Variants in EXOC6B observed in about 807,000 individuals in gnomAD.
The protein encoded by EXOC6B is SEC15 homolog B.
Under a neutral mutation model 113.5 loss-of-function variants are expected in EXOC6B, and 54 were observed. The observed-to-expected ratio is 0.48, with a 90% confidence interval of 0.38 to 0.60. The LOEUF (loss-of-function observed/expected upper bound fraction) is 0.60. Among genes scored for constraint, EXOC6B ranks in the 20% least tolerant of loss-of-function variants. The pLI is 0.00. For synonymous variants in EXOC6B, 357 were observed against 339.0 expected (o/e 1.05, Z -0.58); for missense variants, 797 against 977.5 (o/e 0.82, Z 2.46).
chr2:72,735,600 G>A (rs1388915716), intron 2 of EXOC6B, among the ~76,000 whole-genome samples: 1 of 152,066 alleles, frequency 6.6e-6, no homozygotes, highest in Non-Finnish European at 1.5e-5. Flanking sequence ...GGATCAACCT[G>A]AGGTCAGGAG....
chr2:72,668,513 A>G (rs938714103), intron 6 of EXOC6B, among the ~76,000 whole-genome samples: 1 of 152,166 alleles, frequency 6.6e-6, no homozygotes, highest in Non-Finnish European at 1.5e-5. Context: ...AATGGAGTCA[A>G]CCTAGGTGCC....
chr2:72,801,458 A>C (rs1329213147), intron 1 of EXOC6B, among the ~76,000 whole-genome samples: 1 of 152,194 alleles, frequency 6.6e-6, no homozygotes, highest in East Asian at 1.9e-4. Flanking sequence ...TTTCACCTAA[A>C]GTTTCAGTAT....
At chr2:72,289,715 AC>A (rs1685668428) in intron 20 of EXOC6B, among the ~76,000 whole-genome samples, 1 of 152,150 alleles carries the variant, frequency 6.6e-6, no homozygotes, top group South Asian at 2.1e-4. Flanking sequence ...TGAGATTCAC[AC>A]CTGAATTGGT....
At position 72,478,054 on chromosome 2, in the gene EXOC6B, G is replaced by C. The variant is rs187722877; in HGVS notation, c.1800+2562C>G. Among the ~76,000 whole-genome samples the C allele has an allele frequency of 2.6e-5, 4 of 152,260 alleles. No individual in the cohort carries two copies. In the East Asian group the frequency reaches 7.7e-4, roughly 29 times the overall value. ...GTATTAAAACTTGTTCAATAAATGA[G>C]AGATTGAATACATCTAATGTATTAT... On this transcript the variant is annotated intron_variant, in intron 17 of 21. Transcript: ENST00000272427.
chr2:72,249,964 T>A (rs568028716), intron 20 of EXOC6B, among the ~76,000 whole-genome samples: 17 of 152,186 alleles, frequency 1.1e-4, no homozygotes, highest in Non-Finnish European at 2.1e-4. Flanking sequence ...CCTGATTTAC[T>A]CATTAGAATG....
At chr2:72,505,318 C>G (rs1191732572) in intron 11 of EXOC6B, among the ~76,000 whole-genome samples, 1 of 152,124 alleles carries the variant, frequency 6.6e-6, no homozygotes, top group African/African-American at 2.4e-5. Flanking sequence ...TCATTCAAGT[C>G]TGTCTTCTAT....
At chr2:72,306,350 T>C (rs1686856607) in intron 20 of EXOC6B, among the ~76,000 whole-genome samples, 2 of 152,202 alleles carry the variant, frequency 1.3e-5, no homozygotes, top group Admixed American at 1.3e-4. Context: ...CATCAAAAAA[T>C]ACATTTTTAT....
chr2:72,753,423 C>T (rs770925852), intron 1 of EXOC6B, among the ~76,000 whole-genome samples: 8 of 152,004 alleles, frequency 5.3e-5, no homozygotes, highest in Non-Finnish European at 8.8e-5. Flanking sequence ...CAAGACCTAC[C>T]GCTTCTAATT....
In EXOC6B at chr2:72,708,818, C is replaced by T. The variant is rs1317884624; in HGVS notation, c.669+9285G>A. Among the ~76,000 whole-genome samples, 4 of 152,102 alleles carry T rather than the reference C, an allele frequency of 2.6e-5. No homozygotes were observed. In the East Asian group the frequency reaches 7.7e-4, roughly 29 times the overall value. The stretch of plus-strand genomic sequence containing the variant: ...AATCACAGCTCACTGCAGCCTCAAA[C>T]TCCTGGGCTCAACCCATCCTCCTTC... On this transcript the variant is annotated intron_variant, in intron 6 of 21. Coordinates refer to ENST00000272427, the MANE Select transcript of EXOC6B (RefSeq NM_015189.3).
chr2:72,448,562 TG>T (rs1317244527), intron 18 of EXOC6B, among the ~76,000 whole-genome samples: 1 of 152,178 alleles, frequency 6.6e-6, no homozygotes, highest in Non-Finnish European at 1.5e-5. Flanking sequence ...GAAATTTTAC[TG>T]TGGAACACAG....
Position 72,473,197 on chromosome 2 carries a change from G to A in EXOC6B, c.1800+7419C>T, listed in dbSNP as rs191446674. ...CTCTAAATGTCTGTTAAGTCCTTTC[G>A]GTCTAAAGTCCAGTTTAAAACAAAT... On this transcript the variant is annotated intron_variant, in intron 17 of 21. Coordinates refer to ENST00000272427, the MANE Select transcript of EXOC6B (RefSeq NM_015189.3). 3.2e-4 allele frequency among the ~76,000 whole-genome samples: 48 copies of A among 152,164 alleles called. No homozygotes were observed. The East Asian group carries it at 6.7e-3, about 21-fold the overall frequency.
chr2:72,771,667 C>T (rs1035734680), intron 1 of EXOC6B, among the ~76,000 whole-genome samples: 1 of 152,060 alleles, frequency 6.6e-6, no homozygotes, highest in Non-Finnish European at 1.5e-5. Context: ...CAAAAGACTA[C>T]TTTACATTAT....
intron 20 of EXOC6B, among the ~76,000 whole-genome samples, chr2:72,195,994 G>A (rs1399399823): frequency 6.6e-6 from 1 of 152,114 alleles, no homozygotes; most frequent in East Asian, 1.9e-4. Context: ...TGGGAAGAAA[G>A]TTATATGTGG....
At chr2:72,244,792 G>A (rs567418892) in intron 20 of EXOC6B, among the ~76,000 whole-genome samples, 1 of 152,172 alleles carries the variant, frequency 6.6e-6, no homozygotes, top group Admixed American at 6.5e-5. Flanking sequence ...TATAGCGAGG[G>A]TGCAGGATAC....
intron 20 of EXOC6B, among the ~76,000 whole-genome samples, chr2:72,309,239 T>C (rs1311274467): frequency 1.3e-5 from 2 of 152,094 alleles, no homozygotes; most frequent in African/African-American, 4.8e-5. Flanking sequence ...AAGTAGAGCT[T>C]AGAAAGAGGA....
At chr2:72,232,773 T>C (rs1681708702) in intron 20 of EXOC6B, among the ~76,000 whole-genome samples, 1 of 152,180 alleles carries the variant, frequency 6.6e-6, no homozygotes, top group Non-Finnish European at 1.5e-5. Context: ...TGTATTACTT[T>C]TATTATAAAG....
chr2:72,749,557 T>TA (rs201737731), intron 1 of EXOC6B, among the ~76,000 whole-genome samples: 473 of 151,950 alleles, frequency 3.1e-3, no homozygotes, highest in Middle Eastern at 6.8e-3. Flanking sequence ...TGTTTGCCAT[T>TA]AAAAAAATCA....
chr2:72,516,469 ATC>A (rs1701219045), intron 8 of EXOC6B, among the ~76,000 whole-genome samples: 1 of 152,060 alleles, frequency 6.6e-6, no homozygotes, highest in African/African-American at 2.4e-5. Context: ...GATGGTCTCG[ATC>A]TGTTGATTTT....
intron 1 of EXOC6B, among the ~76,000 whole-genome samples, chr2:72,749,516 A>G (rs1455107929): frequency 6.6e-6 from 1 of 152,040 alleles, no homozygotes; most frequent in Non-Finnish European, 1.5e-5. Context: ...ATTAAAGCGG[A>G]AAGTAATTGC....
Sources: allele counts gnomAD v4.1 joint callset (sites outside exome capture counted in the v4.1 genomes callset), GRCh38; gene constraint gnomAD v4.1.1; transcripts MANE v1.5; gene names NCBI Gene and HGNC (gene_info 2026-07-23, HGNC 2026-07-21).